PRR5L: variants seen among roughly 807,000 people sequenced by gnomAD.
The protein encoded by PRR5L is proline rich 5 like, also known as proline-rich protein 5-like.
PRR5L carries 21 observed loss-of-function variants against 36.4 expected under a neutral mutation model. That is an observed-to-expected ratio of 0.58 (90% CI 0.41 to 0.83). PRR5L has a LOEUF of 0.83. Among genes scored for constraint, PRR5L ranks in the 40% least tolerant of loss-of-function variants. The probability of loss-of-function intolerance (pLI) is 0.00; values close to 1 mark genes in which losing one functional copy is unlikely to be tolerated. For synonymous variants in PRR5L, 188 were observed against 197.0 expected, an observed-to-expected ratio of 0.95 and a Z score of 0.38; for missense variants, 381 against 473.3, an observed-to-expected ratio of 0.80 and a Z score of 1.81.
rs1859237889 is a variant in PRR5L, at chr11:36,463,640, C to T, written c.*904C>T. On this transcript the variant is annotated 3_prime_UTR_variant, in exon 9 of 9. Transcript: ENST00000530639. Reference sequence around the variant, plus strand: ...TGACTTGAATTTTTAAAATGTGTATCGTTTAAAAAAAAAAATGTTTGCAAA... The same window carrying T: ...TGACTTGAATTTTTAAAATGTGTATTGTTTAAAAAAAAAAATGTTTGCAAA... 1 of 125,262 alleles carries T rather than the reference C, an allele frequency of 8.0e-6. No homozygotes were observed. The highest frequency in any genetic ancestry group is 1.8e-5 in the Non-Finnish European group (1 of 57,132). 7.8% of individuals were successfully genotyped at this position (125,262 alleles called of 1,614,324 possible).
At chr11:36,325,759 T>C (rs1035640326) in intron 1 of PRR5L, among the ~76,000 whole-genome samples, 3 of 152,220 alleles carry the variant, frequency 2.0e-5, no homozygotes, top group Non-Finnish European at 4.4e-5. Flanking sequence ...TGTCTCTCGA[T>C]GATGTAATAC....
intron 1 of PRR5L, among the ~76,000 whole-genome samples, chr11:36,380,982 AAAC>A (rs1857357824): frequency 6.6e-6 from 1 of 152,230 alleles, no homozygotes; most frequent in Admixed American, 6.5e-5. Context: ...TACCCCCTCC[AAAC>A]AACCTGTCAT....
At chr11:36,400,926 T>A in intron 1 of PRR5L, 71 bp from the exon 2 acceptor site, 2 of 1,264,684 alleles carry the variant, frequency 1.6e-6, no homozygotes, top group Non-Finnish European at 1.0e-6. Flanking sequence ...GGCTGGAAAG[T>A]CCCAGCCAAC....
chr11:36,341,435 A>G (rs1205037378), intron 1 of PRR5L, among the ~76,000 whole-genome samples: 1 of 152,316 alleles, frequency 6.6e-6, no homozygotes, highest in Middle Eastern at 3.4e-3. Context: ...GGATGTAACA[A>G]TGGACAAGCC....
chr11:36,386,316 C>T (rs562788580), intron 1 of PRR5L, among the ~76,000 whole-genome samples: 17 of 152,132 alleles, frequency 1.1e-4, no homozygotes, highest in African/African-American at 3.1e-4. Flanking sequence ...ATTAAAAATA[C>T]GTTAAAAATA....
At position 36,418,417 on chromosome 11, in the gene PRR5L, G is replaced by C. The variant is rs184246235; in HGVS notation, c.246-838G>C. 2.0e-5 allele frequency among the ~76,000 whole-genome samples: 3 copies of C among 152,272 alleles called. No individual in the cohort carries two copies. In the East Asian group the frequency reaches 5.8e-4, roughly 29 times the overall value. On this transcript the variant is annotated intron_variant, in intron 3 of 8. Transcript: ENST00000530639. ...TATGGGAAAAGATGTTGAATTTGCA[G>C]AAAGTCTGGGTTCACATCTTGGCTC...
intron 6 of PRR5L, 87 bp from the exon 7 acceptor site, chr11:36,446,213 A>C: frequency 6.8e-7 from 1 of 1,463,546 alleles, no homozygotes; most frequent in Admixed American, 1.8e-5. Flanking sequence ...GGTGCTATAT[A>C]AACATGTGTT....
intron 3 of PRR5L, among the ~76,000 whole-genome samples, chr11:36,417,068 T>G (rs1858160706): frequency 1.3e-5 from 2 of 152,212 alleles, no homozygotes; most frequent in East Asian, 1.9e-4. Flanking sequence ...GGCATCTTCA[T>G]GAGCATAGTG....
chr11:36,316,132 A>T (rs1483332095), intron 1 of PRR5L, among the ~76,000 whole-genome samples: 1 of 152,200 alleles, frequency 6.6e-6, no homozygotes, highest in Admixed American at 6.5e-5. Context: ...GCGAGATAGA[A>T]AATAATTTAG....
intron 1 of PRR5L, among the ~76,000 whole-genome samples, chr11:36,389,320 C>T (rs1414756302): frequency 6.6e-6 from 1 of 152,186 alleles, no homozygotes; most frequent in South Asian, 2.1e-4. Context: ...CACCCATCAC[C>T]TTGCAAAGCC....
At chr11:36,388,326 C>T (rs546377981) in intron 1 of PRR5L, 3 of 152,232 alleles carry the variant, frequency 2.0e-5, no homozygotes, top group Non-Finnish European at 4.4e-5. Flanking sequence ...TTCCTCCTAA[C>T]AGCTGGGTGA....
chr11:36,360,368 A>G (rs960106882), intron 1 of PRR5L, among the ~76,000 whole-genome samples: 1 of 152,228 alleles, frequency 6.6e-6, no homozygotes, highest in African/African-American at 2.4e-5. Flanking sequence ...GTTATAAAAT[A>G]TAACTCAGCA....
At chr11:36,408,100 C>A (rs1857947741) in intron 3 of PRR5L, among the ~76,000 whole-genome samples, 1 of 152,064 alleles carries the variant, frequency 6.6e-6, no homozygotes, top group Non-Finnish European at 1.5e-5. Context: ...ATGGCAAAAC[C>A]CTGACTCTAC....
intron 1 of PRR5L, among the ~76,000 whole-genome samples, chr11:36,338,114 A>C (rs568213026): frequency 6.6e-6 from 1 of 152,326 alleles, no homozygotes; most frequent in African/African-American, 2.4e-5. Flanking sequence ...AATACAGTCT[A>C]TGCTAGGAAA....
At chr11:36,335,328 G>A (rs35564850) in intron 1 of PRR5L, among the ~76,000 whole-genome samples, 15,687 of 152,122 alleles carry the variant, frequency 0.1, 1,544 homozygotes, top group African/African-American at 0.27. Flanking sequence ...ACCTCCCAAA[G>A]TGCTGGAATT....
intron 1 of PRR5L, among the ~76,000 whole-genome samples, chr11:36,351,545 TTATATATATTTATATATTTATATA>T (rs1856959085): frequency 1.5e-4 from 1 of 6,518 alleles, no homozygotes; most frequent in African/African-American, 6.6e-4. Context: ...AAATATATAT[TTATATATATTTATATATTTATATA>T]TTTATATAAA....
intron 1 of PRR5L, among the ~76,000 whole-genome samples, chr11:36,359,541 A>T (rs575162465): frequency 1.0e-3 from 155 of 152,356 alleles, no homozygotes; most frequent in African/African-American, 3.6e-3. Flanking sequence ...TCAAATGCTG[A>T]CAATCAATAA....
chr11:36,376,893 G>T (rs1407089649), intron 1 of PRR5L, among the ~76,000 whole-genome samples: 1 of 152,068 alleles, frequency 6.6e-6, no homozygotes, highest in Admixed American at 6.5e-5. Flanking sequence ...AGGATCCTCC[G>T]ATCGGACGCT....
At chr11:36,452,750 G>A (rs965546925) in intron 8 of PRR5L, among the ~76,000 whole-genome samples, 3 of 152,210 alleles carry the variant, frequency 2.0e-5, no homozygotes, top group South Asian at 2.1e-4. Flanking sequence ...TGGCAGGAAC[G>A]CTACCATTGT....
Sources: gnomAD v4.1 joint callset for allele counts (sites outside exome capture counted in the v4.1 genomes callset) on GRCh38, gnomAD v4.1.1 for gene constraint, MANE v1.5 for transcripts, NCBI Gene and HGNC (gene_info 2026-07-23, HGNC 2026-07-21) for gene names.